DLG2: variants seen among roughly 807,000 people sequenced by gnomAD.
DLG2 encodes discs large MAGUK scaffold protein 2.
Under a neutral mutation model 132.5 loss-of-function variants are expected in DLG2, and 45 were observed. The ratio of observed to expected loss-of-function variants is 0.34; its 90% CI spans 0.27 to 0.44. The LOEUF (loss-of-function observed/expected upper bound fraction) is 0.44. Among genes scored for constraint, DLG2 ranks in the 20% least tolerant of loss-of-function variants. The probability of loss-of-function intolerance (pLI) is 1.00; values close to 1 mark genes in which losing one functional copy is unlikely to be tolerated. For synonymous variants in DLG2, 424 were observed against 419.6 expected, an observed-to-expected ratio of 1.01 and a Z score of -0.13; for missense variants, 1,045 against 1,196.9, an observed-to-expected ratio of 0.87 and a Z score of 1.87.
chr11:83,896,988 T>G (rs2071912680), intron 15 of DLG2, among the ~76,000 whole-genome samples: 1 of 152,186 alleles, frequency 6.6e-6, no homozygotes. Flanking sequence ...TTTATAAAAG[T>G]TTTCATCTGA....
chr11:84,731,225 T>C (rs2063113553), intron 6 of DLG2, among the ~76,000 whole-genome samples: 1 of 152,082 alleles, frequency 6.6e-6, no homozygotes, highest in Non-Finnish European at 1.5e-5. Flanking sequence ...GTTGACGACG[T>C]TAGCACATTA....
In DLG2 at chr11:85,215,206, G is replaced by T. The variant is rs138058541; in HGVS notation, c.187-60555C>A. On this transcript the variant is annotated intron_variant, in intron 4 of 27. Coordinates refer to ENST00000376104, the MANE Select transcript of DLG2 (RefSeq NM_001142699.3). ...ATTTTCAGAATGAGAGGAGGTGTTT[G>T]ATGTTATAAGTCCATTGTGACTGAA... Among the ~76,000 whole-genome samples the T allele has an allele frequency of 3.5e-3, 530 of 152,264 alleles. 3 individuals carry two copies. The highest frequency in any genetic ancestry group is 0.013 in the African/African-American group (520 of 41,554).
chr11:84,601,268 A>C (rs2099576056), intron 6 of DLG2, among the ~76,000 whole-genome samples: 1 of 152,100 alleles, frequency 6.6e-6, no homozygotes, highest in African/African-American at 2.4e-5. Flanking sequence ...CATACAGAGA[A>C]TATTGCTCTT....
intron 7 of DLG2, among the ~76,000 whole-genome samples, chr11:84,480,834 GT>G (rs1353402745): frequency 1.5e-4 from 23 of 151,216 alleles, no homozygotes; most frequent in Middle Eastern, 3.4e-3. Flanking sequence ...CACCTCCCGG[GT>G]TCAAGCGATT....
chr11:84,130,505 T>TATACACAC (rs1417958149), intron 9 of DLG2, among the ~76,000 whole-genome samples: 10 of 116,862 alleles, frequency 8.6e-5, no homozygotes, highest in African/African-American at 3.7e-4. Flanking sequence ...TATATATATA[T>TATACACAC]ACACACACAC....
chr11:83,679,897 G>A (rs920781697), intron 18 of DLG2, among the ~76,000 whole-genome samples: 5 of 152,074 alleles, frequency 3.3e-5, no homozygotes, highest in African/African-American at 1.2e-4. Flanking sequence ...GCTGAGCCAG[G>A]TCTTTGAACA....
Position 85,072,660 on chromosome 11 carries a change from G to A in DLG2, c.357+39001C>T, listed in dbSNP as rs891614783. Among the ~76,000 whole-genome samples the A allele has an allele frequency of 5.3e-5, 8 of 151,900 alleles. No homozygotes were observed. In the East Asian group the frequency reaches 7.8e-4, roughly 15 times the overall value. On this transcript the variant is annotated intron_variant, in intron 6 of 27. Coordinates refer to ENST00000376104, the MANE Select transcript of DLG2 (RefSeq NM_001142699.3). ...GGTAATTAGGACTTGGAGAGGTTAA[G>A]TAATTTGTCCTAGGTTACAGCACTA...
intron 8 of DLG2, among the ~76,000 whole-genome samples, chr11:84,198,093 A>C (rs1385801228): frequency 6.6e-6 from 1 of 152,170 alleles, no homozygotes; most frequent in African/African-American, 2.4e-5. Context: ...ACTTCTGTAT[A>C]AATACAGGTA....
intron 6 of DLG2, among the ~76,000 whole-genome samples, chr11:85,012,351 C>T (rs12281252): frequency 0.023 from 460 of 20,280 alleles, 97 homozygotes; most frequent in East Asian, 0.14. Context: ...ACGGTGAAAC[C>T]CCATTTCTAC....
In DLG2 at chr11:85,341,079, G is replaced by T. The variant is rs367904901; in HGVS notation, c.41-55714C>A. 2.0e-4 allele frequency among the ~76,000 whole-genome samples: 31 copies of T among 151,520 alleles called. No homozygotes were observed. In the East Asian group the frequency reaches 2.7e-3, roughly 13 times the overall value. On this transcript the variant is annotated intron_variant, in intron 3 of 27. Transcript: ENST00000376104. ...AATCATTGATTCTCTGAGGTAGAAGGTATGAAAATTTTGTGGCTTTTTCTT... is the reference window on the plus strand; with the variant it reads ...AATCATTGATTCTCTGAGGTAGAAGTTATGAAAATTTTGTGGCTTTTTCTT...
intron 7 of DLG2, among the ~76,000 whole-genome samples, chr11:84,294,895 A>G (rs538678666): frequency 6.6e-6 from 1 of 152,314 alleles, no homozygotes; most frequent in African/African-American, 2.4e-5. Flanking sequence ...TTACCCCAAT[A>G]AAATATGATG....
intron 4 of DLG2, among the ~76,000 whole-genome samples, chr11:85,271,097 T>A (rs934895007): frequency 6.6e-6 from 1 of 152,014 alleles, no homozygotes; most frequent in Non-Finnish European, 1.5e-5. Flanking sequence ...GAAGAAAAGA[T>A]GGTTTTGTGG....
intron 6 of DLG2, among the ~76,000 whole-genome samples, chr11:84,857,729 TAC>T (rs2154026597): frequency 6.6e-6 from 1 of 152,206 alleles, no homozygotes; most frequent in African/African-American, 2.4e-5. Flanking sequence ...ATTGATAAAT[TAC>T]AGTCTAAGTT....
At chr11:84,504,300 C>G (rs2099231927) in intron 7 of DLG2, among the ~76,000 whole-genome samples, 2 of 152,266 alleles carry the variant, frequency 1.3e-5, no homozygotes, top group South Asian at 4.1e-4. Context: ...TAAACATTAA[C>G]TTCCATCAGA....
intron 11 of DLG2, among the ~76,000 whole-genome samples, chr11:84,031,655 A>T (rs1282334458): frequency 1.3e-5 from 2 of 152,188 alleles, no homozygotes; most frequent in Non-Finnish European, 2.9e-5. Context: ...TTGTTACACA[A>T]TAGGTGCTTC....
In DLG2 at chr11:84,170,405, T is replaced by A. The variant is rs2095793892; in HGVS notation, c.574-6894A>T. On this transcript the variant is annotated intron_variant, in intron 8 of 27. Transcript: ENST00000376104. The stretch of plus-strand genomic sequence containing the variant: ...GATACAAAGTTGGGTGAAATATGGT[T>A]CCTGCCCTCAAATAACTCAGTCTAA... 5.9e-5 allele frequency among the ~76,000 whole-genome samples: 9 copies of A among 152,314 alleles called. No individual in the cohort carries two copies. In the South Asian group the frequency reaches 1.9e-3, roughly 32 times the overall value.
At chr11:84,665,490 A>G (rs576201272) in intron 6 of DLG2, among the ~76,000 whole-genome samples, 4 of 152,158 alleles carry the variant, frequency 2.6e-5, no homozygotes, top group East Asian at 3.9e-4. Flanking sequence ...TCATATCTCC[A>G]TGCCTTTCCA....
chr11:84,257,754 T>C (rs564817554), intron 7 of DLG2, among the ~76,000 whole-genome samples: 1 of 150,694 alleles, frequency 6.6e-6, no homozygotes, highest in Admixed American at 6.6e-5. Context: ...TAGTCCCATC[T>C]TGGCTTACCA....
chr11:84,716,733 A>C (rs1368592080), intron 6 of DLG2, among the ~76,000 whole-genome samples: 1 of 147,348 alleles, frequency 6.8e-6, no homozygotes, highest in Non-Finnish European at 1.5e-5. Context: ...GGTAGGGGGG[A>C]ACTGATATAA....
Sources: gnomAD v4.1 joint callset for allele counts (sites outside exome capture counted in the v4.1 genomes callset) on GRCh38, gnomAD v4.1.1 for gene constraint, MANE v1.5 for transcripts, NCBI Gene and HGNC (gene_info 2026-07-23, HGNC 2026-07-21) for gene names.